Variants in SNX25 observed in about 807,000 individuals in gnomAD.
The protein encoded by SNX25 is sorting nexin 25, also known as sorting nexin-25.
A neutral mutation model predicts 113.7 loss-of-function variants in SNX25; 62 were observed. The ratio of observed to expected loss-of-function variants is 0.55; its 90% confidence interval spans 0.44 to 0.67. The LOEUF is 0.67. Among genes scored for constraint, SNX25 ranks in the 30% least tolerant of loss-of-function variants. The pLI is 0.00. For synonymous variants in SNX25, 421 were observed against 436.2 expected (o/e 0.97, Z 0.43); for missense variants, 1,014 against 1,161.0 (o/e 0.87, Z 1.84).
chr4:185,249,276 C>G (rs1178757747), intron 2 of SNX25, among the ~76,000 whole-genome samples: 1 of 152,130 alleles, frequency 6.6e-6, no homozygotes, highest in Admixed American at 6.5e-5. Flanking sequence ...TATGAGAGTT[C>G]CGGTTGTCTC....
At chr4:185,260,512 C>CT (rs60835999) in intron 3 of SNX25, among the ~76,000 whole-genome samples, 14 of 152,078 alleles carry the variant, frequency 9.2e-5, no homozygotes, top group African/African-American at 3.4e-4. Context: ...GAAATCAGAG[C>CT]TTTTTTTTCC....
chr4:185,303,956 A>G (rs1366588443), intron 6 of SNX25, among the ~76,000 whole-genome samples: 1 of 152,198 alleles, frequency 6.6e-6, no homozygotes, highest in African/African-American at 2.4e-5. Flanking sequence ...TGAGTTCCTT[A>G]GCAACTGTTG....
chr4:185,302,091 G>T (rs867819676), intron 6 of SNX25, among the ~76,000 whole-genome samples: 27 of 108,376 alleles, frequency 2.5e-4, no homozygotes, highest in Middle Eastern at 5.1e-3. Context: ...GTGTGTGTGT[G>T]TTTTTTTTGT....
chr4:185,221,406 C>A lies in SNX25; in HGVS notation c.429+11151C>A, dbSNP rs1011088740. Among the ~76,000 whole-genome samples, 9 of 152,242 alleles carry A rather than the reference C, an allele frequency of 5.9e-5. No individual in the cohort carries two copies. In the South Asian group the frequency reaches 8.3e-4, roughly 14 times the overall value. On this transcript the variant is annotated intron_variant, in intron 1 of 18. Transcript: ENST00000652585. ...CCCACGCAGGTCTCAAACTCCTGGA[C>A]TCAAGCCATCCTCCCACCGTGGCCT...
At chr4:185,284,184 A>G (rs1458195889) in intron 5 of SNX25, among the ~76,000 whole-genome samples, 1 of 152,180 alleles carries the variant, frequency 6.6e-6, no homozygotes, top group Non-Finnish European at 1.5e-5. Context: ...TATCTTTATT[A>G]TACACAGAAC....
At chr4:185,370,621 A>G (rs1306127403), downstream of SNX25, 1 of 1,606,886 alleles carries the variant, frequency 6.2e-7, no homozygotes, top group Non-Finnish European at 8.5e-7. Flanking sequence ...GTGAATTTAT[A>G]TTTTGTTCTA....
intron 10 of SNX25, among the ~76,000 whole-genome samples, chr4:185,335,744 A>G (rs555790465): frequency 2.0e-3 from 312 of 152,324 alleles, no homozygotes; most frequent in Admixed American, 3.7e-3. Flanking sequence ...ACCATTAACC[A>G]TGAAGAATCT....
upstream of SNX25, among the ~76,000 whole-genome samples, chr4:185,207,051 C>T (rs1483912370): frequency 6.6e-6 from 1 of 152,108 alleles, no homozygotes; most frequent in Non-Finnish European, 1.5e-5. Flanking sequence ...TTCTGGGCCA[C>T]AGCTGATTGG....
intron 5 of SNX25, among the ~76,000 whole-genome samples, chr4:185,282,007 C>T (rs1641212426): frequency 6.6e-6 from 1 of 152,108 alleles, no homozygotes; most frequent in Non-Finnish European, 1.5e-5. Context: ...CAGAGCGAGA[C>T]TCCATCTCAA....
chr4:185,369,248 T>TTGA (rs2095406099), intron 11 of SNX25, among the ~76,000 whole-genome samples: 1 of 128,088 alleles, frequency 7.8e-6, no homozygotes, highest in Admixed American at 8.0e-5. Context: ...TTTTTTTTTT[T>TTGA]GAGACAGAGT....
Position 185,361,919 on chromosome 4 carries a change from A to T in SNX25, c.2652-5A>T. The T allele has an allele frequency of 6.2e-7, 1 of 1,612,194 alleles. No homozygotes were observed. The highest frequency in any genetic ancestry group is 1.7e-5 in the Admixed American group (1 of 59,594). The stretch of plus-strand genomic sequence containing the variant: ...CTCATCCAAGAAATCTTTTTCTCTT[A>T]AAAGACAAATCCGGGACACAGTCAG... On this transcript the variant is annotated splice_region_variant and splice_polypyrimidine_tract_variant and intron_variant, in intron 16 of 18. Coordinates refer to ENST00000652585, the MANE Select transcript of SNX25 (RefSeq NM_001378034.2).
intron 5 of SNX25, among the ~76,000 whole-genome samples, chr4:185,272,553 G>C (rs1046065694): frequency 6.6e-6 from 1 of 152,138 alleles, no homozygotes; most frequent in Admixed American, 6.6e-5. Context: ...TTCACCCCTA[G>C]GAATTTTTAT....
intron 1 of SNX25, among the ~76,000 whole-genome samples, chr4:185,231,799 T>A (rs1325365338): frequency 6.6e-6 from 1 of 152,164 alleles, no homozygotes; most frequent in Non-Finnish European, 1.5e-5. Flanking sequence ...GCAATTTGTA[T>A]GATCTAGATC....
intron 2 of SNX25, among the ~76,000 whole-genome samples, chr4:185,250,209 A>G (rs1287175636): frequency 6.6e-6 from 1 of 152,252 alleles, no homozygotes; most frequent in Non-Finnish European, 1.5e-5. Flanking sequence ...GTCCGAGGAC[A>G]TAGACTTAAC....
chr4:185,210,367 G>T lies in SNX25; in HGVS notation c.429+112G>T. 1 of 978,346 alleles carries T rather than the reference G, an allele frequency of 1.0e-6. No homozygotes were observed. The highest frequency in any genetic ancestry group is 1.2e-6 in the Non-Finnish European group (1 of 825,410). 60.6% of individuals were successfully genotyped at this position (978,346 alleles called of 1,614,324 possible). A position where few individuals can be genotyped will look rare whatever the true frequency, so the allele number is the denominator to read the frequency against. Reference sequence around the variant, plus strand: ...CGGCATGCCCTTGTCGAAGCGGGAAGCCGGGAGCCAGGGGGCTGGGCTGCG... The same window carrying T: ...CGGCATGCCCTTGTCGAAGCGGGAATCCGGGAGCCAGGGGGCTGGGCTGCG... On this transcript the variant is annotated intron_variant, in intron 1 of 18. Transcript: ENST00000652585. The surrounding 1 kb of genome is among the most constrained non-coding windows in gnomAD (Gnocchi z 4.4).
At chr4:185,373,764 G>A (rs949841061), downstream of SNX25, among the ~76,000 whole-genome samples, 1 of 152,158 alleles carries the variant, frequency 6.6e-6, no homozygotes, top group African/African-American at 2.4e-5. Flanking sequence ...GAAAATCTTA[G>A]ATGGATTTTA....
chr4:185,307,495 T>G (rs1193703548), intron 6 of SNX25, among the ~76,000 whole-genome samples: 1 of 152,128 alleles, frequency 6.6e-6, no homozygotes, highest in Non-Finnish European at 1.5e-5. Flanking sequence ...CATGAGAGAT[T>G]CCACACTTGC....
At chr4:185,235,412 A>C (rs1742471112) in intron 1 of SNX25, among the ~76,000 whole-genome samples, 1 of 152,162 alleles carries the variant, frequency 6.6e-6, no homozygotes, top group Non-Finnish European at 1.5e-5. Flanking sequence ...CTTCTTCTGG[A>C]GGTGCCCTGC....
At chr4:185,306,244 G>A (rs576691479) in intron 6 of SNX25, among the ~76,000 whole-genome samples, 2 of 152,344 alleles carry the variant, frequency 1.3e-5, no homozygotes, top group South Asian at 2.1e-4. Flanking sequence ...TGAGCTCCAC[G>A]TTAGTCATTT....
Sources: allele counts gnomAD v4.1 joint callset (sites outside exome capture counted in the v4.1 genomes callset), GRCh38; gene constraint gnomAD v4.1.1; non-coding constraint Gnocchi (gnomAD v3.1); transcripts MANE v1.5; gene names NCBI Gene and HGNC (gene_info 2026-07-23, HGNC 2026-07-21).